Variants in MCCC1 observed in about 807,000 individuals in gnomAD.
MCCC1 encodes the protein methylcrotonyl-CoA carboxylase subunit 1.
Under a neutral mutation model 83.8 loss-of-function variants are expected in MCCC1, and 64 were observed. The ratio of observed to expected loss-of-function variants is 0.76; its 90% confidence interval spans 0.62 to 0.94. MCCC1 has a LOEUF of 0.94. Among genes scored for constraint, MCCC1 ranks in the 40% least tolerant of loss-of-function variants. The pLI is 0.00. For missense variants in MCCC1, 807 were observed against 904.7 expected, an observed-to-expected ratio of 0.89 and a Z score of 1.39; for synonymous variants, 322 against 315.4, an observed-to-expected ratio of 1.02 and a Z score of -0.22.
At position 183,084,813 on chromosome 3, in the gene MCCC1, T is replaced by C. The variant is rs1386769982; in HGVS notation, c.369+1880A>G. 2.0e-5 allele frequency among the ~76,000 whole-genome samples: 3 copies of C among 152,086 alleles called. No individual in the cohort carries two copies. In the East Asian group the frequency reaches 5.8e-4, roughly 29 times the overall value. On this transcript the variant is annotated intron_variant, in intron 4 of 18. Coordinates refer to ENST00000265594, the MANE Select transcript of MCCC1 (RefSeq NM_020166.5). Reference sequence around the variant, plus strand: ...GATGCAAGCCTGTAGCTCTAGCTACTTGGGAGGCTGAGGTGGGAGGATTGC... The same window carrying C: ...GATGCAAGCCTGTAGCTCTAGCTACCTGGGAGGCTGAGGTGGGAGGATTGC...
chr3:183,036,783 CCCACCCTGG>C (rs993276099), intron 13 of MCCC1, among the ~76,000 whole-genome samples: 1 of 151,358 alleles, frequency 6.6e-6, no homozygotes, highest in Middle Eastern at 3.2e-3. Context: ...TCATGATCCG[CCCACCCTGG>C]CCTTCTAAAG....
chr3:183,045,914 CT>C (rs1329631959), intron 9 of MCCC1, among the ~76,000 whole-genome samples: 4 of 152,008 alleles, frequency 2.6e-5, no homozygotes, highest in Non-Finnish European at 5.9e-5. Flanking sequence ...AAAAAGAAAA[CT>C]TTTTTTTCCC....
chr3:183,016,593 G>T (rs1711645610), intron 18 of MCCC1, among the ~76,000 whole-genome samples: 1 of 152,170 alleles, frequency 6.6e-6, no homozygotes, highest in Non-Finnish European at 1.5e-5. Context: ...GTCTGGGGAA[G>T]AATTTTTTCA....
intron 15 of MCCC1, among the ~76,000 whole-genome samples, chr3:183,024,708 C>A (rs1712440204): frequency 6.6e-6 from 1 of 151,782 alleles, no homozygotes; most frequent in African/African-American, 2.4e-5. Context: ...GGACTGTAAA[C>A]TGCTACAGCT....
upstream of MCCC1, among the ~76,000 whole-genome samples, chr3:183,100,268 T>C (rs2108579214): frequency 6.6e-6 from 1 of 152,314 alleles, no homozygotes; most frequent in African/African-American, 2.4e-5. Flanking sequence ...TAACTTCAAG[T>C]GAACTTAAAA....
rs2108483240 is a variant in MCCC1, at chr3:183,043,615, G to A, written c.1083+1798C>T. ...GACTCACCAAATGGTGAGCCCCTTT[G>A]TTTTACCTCTGTTTGAAGGCCAGAT... On this transcript the variant is annotated intron_variant, in intron 10 of 18. Transcript: ENST00000265594. Among the ~76,000 whole-genome samples, 2 of 152,222 alleles carry A rather than the reference G, an allele frequency of 1.3e-5. 1 individual carries two copies. The highest frequency in any genetic ancestry group is 6.8e-3 in the Middle Eastern group (2 of 294).
chr3:183,015,646 C>T, intron 18 of MCCC1, 80 bp from the exon 19 acceptor site: 1 of 1,565,474 alleles, frequency 6.4e-7, no homozygotes, highest in African/African-American at 1.4e-5. Context: ...GAAAGGGAGA[C>T]CAAAAATGAA....
rs761135206 is a variant in MCCC1 at position 183,064,900 on chromosome 3, C to A, written c.761+6099G>T. On this transcript the variant is annotated intron_variant, in intron 7 of 18. Transcript: ENST00000265594. This position sits in a 1 kb window ranked among gnomAD's most constrained non-coding sequence, Gnocchi z 4.5. ...GGTCTTTCTCTGGTCTCTCTGAGCA[C>A]CTTGCTTTCCCCATCCTGCCACAAA... 5.9e-5 allele frequency among the ~76,000 whole-genome samples: 9 copies of A among 151,852 alleles called. No individual in the cohort carries two copies. Among genetic ancestry groups the A allele is most frequent in the Admixed American group, 5.9e-4 (9 of 15,230 alleles).
chr3:183,076,009 C>A (rs1399188483), intron 4 of MCCC1, among the ~76,000 whole-genome samples: 3 of 152,122 alleles, frequency 2.0e-5, no homozygotes, highest in Non-Finnish European at 2.9e-5. Context: ...GCAAATGAAA[C>A]AGGTCTATGT....
chr3:183,026,344 G>T lies in MCCC1; in HGVS notation c.1682-540C>A, dbSNP rs1389950072. Reference sequence around the variant, plus strand: ...GACATGAGTCACCACATCCAGGCTTGAGTTTTAGATATTTTAAGGTTGTCG... The same window carrying T: ...GACATGAGTCACCACATCCAGGCTTTAGTTTTAGATATTTTAAGGTTGTCG... On this transcript the variant is annotated intron_variant, in intron 14 of 18. Coordinates refer to ENST00000265594, the MANE Select transcript of MCCC1 (RefSeq NM_020166.5). 3.3e-5 allele frequency among the ~76,000 whole-genome samples: 5 copies of T among 152,274 alleles called. No individual in the cohort carries two copies. In the East Asian group the frequency reaches 7.7e-4, roughly 23 times the overall value.
chr3:183,071,666 A>T (rs544214578), intron 5 of MCCC1, among the ~76,000 whole-genome samples: 1 of 151,888 alleles, frequency 6.6e-6, no homozygotes, highest in South Asian at 2.1e-4. Flanking sequence ...ATGACAACAG[A>T]AGGGTAGAAT....
chr3:183,085,728 T>C (rs1439191532), intron 4 of MCCC1, among the ~76,000 whole-genome samples: 2 of 152,046 alleles, frequency 1.3e-5, no homozygotes, highest in Non-Finnish European at 2.9e-5. Context: ...TGTAAGATGG[T>C]TCTCCCAGCT....
intron 16 of MCCC1, 104 bp downstream of exon 16, chr3:183,022,313 G>T: frequency 2.2e-6 from 3 of 1,371,824 alleles, no homozygotes; most frequent in East Asian, 2.3e-5. Flanking sequence ...TCACAGCAGT[G>T]GTCACAGGAA....
chr3:183,060,158 T>C (rs1464886632), intron 7 of MCCC1, among the ~76,000 whole-genome samples: 9 of 152,244 alleles, frequency 5.9e-5, no homozygotes, highest in Admixed American at 5.9e-4. Context: ...TTCTCTCTTT[T>C]TTCTTTCATT....
intron 4 of MCCC1, among the ~76,000 whole-genome samples, chr3:183,079,083 A>T (rs1717295568): frequency 2.0e-5 from 3 of 152,210 alleles, no homozygotes; most frequent in South Asian, 2.1e-4. Flanking sequence ...GTTACAATTG[A>T]AGATGAGATT....
intron 4 of MCCC1, 59 bp downstream of exon 4, chr3:183,086,634 T>C: frequency 6.8e-7 from 1 of 1,468,118 alleles, no homozygotes. Context: ...ATAAGTAACT[T>C]TGCATCAGTT....
In MCCC1 at chr3:183,099,435, C is replaced by T. The variant is rs768348047; in HGVS notation, c.6G>A (p.Ala2=). 8 of 1,604,854 alleles carry T rather than the reference C, an allele frequency of 5.0e-6. No individual in the cohort carries two copies. Among genetic ancestry groups the T allele is most frequent in the Middle Eastern group, 3.3e-4 (2 of 6,074 alleles). M[A]AASAVSVLLV... ...GCAGCACCGACACCGCAGAGGCCGC[C>T]GCCATGTCCCTGGAGCCCGGCCACT... is the stretch of plus-strand genomic sequence containing the variant. The change falls in exon 1 of 19, where the codon GCG becomes GCA. Residue 2 remains alanine, a synonymous_variant. Coordinates refer to ENST00000265594, the MANE Select transcript of MCCC1 (RefSeq NM_020166.5).
At chr3:183,100,741 C>T (rs1719191723), upstream of MCCC1, among the ~76,000 whole-genome samples, 1 of 152,242 alleles carries the variant, frequency 6.6e-6, no homozygotes, top group Non-Finnish European at 1.5e-5. Context: ...GCTGGCAGTC[C>T]TCAGAACCCT....
chr3:183,079,536 T>G lies in MCCC1; in HGVS notation c.370-7049A>C, dbSNP rs115221628. Among the ~76,000 whole-genome samples, 557 of 152,300 alleles carry G rather than the reference T, an allele frequency of 3.7e-3. 5 individuals carry two copies. The highest frequency in any genetic ancestry group is 0.013 in the African/African-American group (535 of 41,558). Reference sequence around the variant, plus strand: ...CTTGGGCAGCTCCAACCTTGTGGCTTTGCAGGGTATAGCCCCTCTCCTGGC... The same window carrying G: ...CTTGGGCAGCTCCAACCTTGTGGCTGTGCAGGGTATAGCCCCTCTCCTGGC... On this transcript the variant is annotated intron_variant, in intron 4 of 18. Transcript: ENST00000265594.
Sources: allele counts gnomAD v4.1 joint callset (sites outside exome capture counted in the v4.1 genomes callset), GRCh38; gene constraint gnomAD v4.1.1; non-coding constraint Gnocchi (gnomAD v3.1); transcripts MANE v1.5; gene names NCBI Gene and HGNC (gene_info 2026-07-23, HGNC 2026-07-21).